Variants in CADPS observed in about 807,000 individuals in gnomAD.
CADPS encodes the protein calcium-dependent secretion activator 1.
In CADPS, 57 loss-of-function variants were observed where a neutral mutation model predicts 167.3. That is an observed-to-expected ratio of 0.34 (90% confidence interval 0.28 to 0.42). The LOEUF is 0.42. Ranked by LOEUF, CADPS falls within the 20% of genes least tolerant of loss-of-function variation. The pLI is 1.00. For synonymous variants in CADPS, 676 were observed against 635.3 expected (o/e 1.06, Z -0.96); for missense variants, 1,414 against 1,738.1 (o/e 0.81, Z 3.32).
chr3:62,723,282 G>A (rs533743054), intron 3 of CADPS, among the ~76,000 whole-genome samples: 12 of 152,246 alleles, frequency 7.9e-5, no homozygotes, highest in Non-Finnish European at 1.5e-4. Context: ...GTAGGTCTCC[G>A]ATGAACGCCA....
chr3:62,856,404 A>G (rs1404901258), intron 1 of CADPS, among the ~76,000 whole-genome samples: 4 of 152,186 alleles, frequency 2.6e-5, no homozygotes, highest in African/African-American at 4.8e-5. Flanking sequence ...TGTCATAAAG[A>G]TATCAGCTTT....
At chr3:62,851,587 A>T (rs1301651670) in intron 1 of CADPS, among the ~76,000 whole-genome samples, 1 of 141,686 alleles carries the variant, frequency 7.1e-6, no homozygotes, top group East Asian at 2.1e-4. Context: ...TTCTTTAAGA[A>T]TGTTGAATAT....
intron 26 of CADPS, among the ~76,000 whole-genome samples, chr3:62,461,814 T>C (rs2059382561): frequency 6.6e-6 from 1 of 152,182 alleles, no homozygotes; most frequent in Non-Finnish European, 1.5e-5. Flanking sequence ...ACCGGATAAT[T>C]TTCTTTCATT....
intron 1 of CADPS, among the ~76,000 whole-genome samples, chr3:62,834,708 G>T (rs1243155754): frequency 5.3e-5 from 8 of 152,132 alleles, no homozygotes; most frequent in Admixed American, 5.2e-4. Context: ...AGTAGTATAA[G>T]TATTATTATC....
chr3:62,483,869 T>A (rs901214672), intron 21 of CADPS, among the ~76,000 whole-genome samples: 1 of 152,036 alleles, frequency 6.6e-6, no homozygotes, highest in African/African-American at 2.4e-5. Context: ...ACACACTGAA[T>A]AATGATCAAG....
chr3:62,743,237 T>C (rs58258859), intron 3 of CADPS, among the ~76,000 whole-genome samples: 5,977 of 152,280 alleles, frequency 0.039, 388 homozygotes, highest in African/African-American at 0.14. Flanking sequence ...TATGATGTGA[T>C]AATTATTTAA....
At chr3:62,852,198 A>C (rs1385285783) in intron 1 of CADPS, among the ~76,000 whole-genome samples, 1 of 150,778 alleles carries the variant, frequency 6.6e-6, no homozygotes, top group East Asian at 1.9e-4. Context: ...CAAAGTTTTC[A>C]ACTTCTTTGC....
intron 6 of CADPS, among the ~76,000 whole-genome samples, chr3:62,633,570 C>T (rs2065713001): frequency 6.6e-6 from 1 of 152,052 alleles, no homozygotes; most frequent in African/African-American, 2.4e-5. Flanking sequence ...CAGGACTTGG[C>T]AATTCTCTCT....
intron 1 of CADPS, among the ~76,000 whole-genome samples, chr3:62,850,067 A>T (rs2078237806): frequency 9.3e-6 from 1 of 107,302 alleles, no homozygotes; most frequent in Non-Finnish European, 2.0e-5. Flanking sequence ...ATTTGTGTAG[A>T]GGTGTTTGTA....
intron 1 of CADPS, among the ~76,000 whole-genome samples, chr3:62,858,631 A>C (rs1996093): frequency 0.046 from 6,983 of 152,278 alleles, 180 homozygotes; most frequent in East Asian, 0.089. Context: ...GGATATGTAG[A>C]TATTATATTT....
Position 62,516,155 on chromosome 3 carries a change from C to A in CADPS, c.2485G>T (p.Val829Leu). 1 of 1,613,192 alleles carries A rather than the reference C, an allele frequency of 6.2e-7. No individual in the cohort carries two copies. Among genetic ancestry groups the A allele is most frequent in the Admixed American group, 1.7e-5 (1 of 59,962 alleles). Residue 829 changes from valine (V) to leucine (L), a missense_variant, in exon 16 of 30, where the codon GTG becomes TTG. Transcript: ENST00000383710. ...RVLMKDIVTP[V>L]PQEEVKTVIR... The stretch of plus-strand genomic sequence containing the variant: ...ACTGTTTTTACCTCCTCTTGTGGCA[C>A]TGGGGTAACAATATCTTTCATCAAA...
chr3:62,655,134 A>T (rs1018180889), intron 4 of CADPS, among the ~76,000 whole-genome samples: 1 of 152,186 alleles, frequency 6.6e-6, no homozygotes, highest in Non-Finnish European at 1.5e-5. Context: ...GAGGCTCATA[A>T]AAACTGAAGT....
rs1185447085 is a variant in CADPS, at chr3:62,874,473, C to T, written c.441+116G>A. ...GGGCCTCGTAGCCCTTTCCCCAGGG[C>T]GCGGTCTCCACCTCTCCTGCTCCTC... is the stretch of plus-strand genomic sequence containing the variant. On this transcript the variant is annotated intron_variant, in intron 1 of 29. Coordinates refer to ENST00000383710, the MANE Select transcript of CADPS (RefSeq NM_003716.4). This position sits in a 1 kb window ranked among gnomAD's most constrained non-coding sequence, Gnocchi z 7.1. 1.3e-6 allele frequency: 1 copy of T among 764,036 alleles called. No homozygotes were observed. The allele number at this position is 764,036 out of a possible 1,614,324, so 47.3% of individuals were successfully genotyped here. A position where few individuals can be genotyped will look rare whatever the true frequency, so the allele number is the denominator to read the frequency against.
At chr3:62,769,158 C>T (rs756276981) in intron 1 of CADPS, among the ~76,000 whole-genome samples, 3 of 152,022 alleles carry the variant, frequency 2.0e-5, no homozygotes, top group Non-Finnish European at 2.9e-5. Context: ...AAGCAAAATA[C>T]TCACTGCAGA....
intron 1 of CADPS, among the ~76,000 whole-genome samples, chr3:62,777,871 G>C (rs1177407054): frequency 6.6e-6 from 1 of 152,154 alleles, no homozygotes; most frequent in African/African-American, 2.4e-5. Context: ...TCAGAAGCAG[G>C]AAAGAGTAAA....
At chr3:62,609,704 A>C (rs1278306227) in intron 6 of CADPS, among the ~76,000 whole-genome samples, 1 of 152,220 alleles carries the variant, frequency 6.6e-6, no homozygotes, top group Non-Finnish European at 1.5e-5. Context: ...GCATTAACAC[A>C]TGAACACATG....
In CADPS at chr3:62,874,747, A is replaced by T; in HGVS notation, c.283T>A (p.Ser95Thr). The T allele has an allele frequency of 6.6e-7, 1 of 1,505,646 alleles. No individual in the cohort carries two copies. The highest frequency in any genetic ancestry group is 9.0e-7 in the Non-Finnish European group (1 of 1,108,940). 93.3% of individuals were successfully genotyped at this position (1,505,646 alleles called of 1,614,324 possible). ...GGGRPSSPSP[S>T]VVSEKEKEEL... Reference sequence around the variant, plus strand: ...TCCTTCTCCTTCTCGCTCACCACCGACGGGCTGGGGCTGGAGGGCCGGCCG... The same window carrying T: ...TCCTTCTCCTTCTCGCTCACCACCGTCGGGCTGGGGCTGGAGGGCCGGCCG... Residue 95 changes from serine (S) to threonine (T), a missense_variant, in exon 1 of 30, where the codon TCG (serine) becomes ACG (threonine). This residue lies in a region of CADPS where 522 missense variants were observed against 559.5 expected (regional missense o/e 0.93). Coordinates refer to ENST00000383710, the MANE Select transcript of CADPS (RefSeq NM_003716.4). The surrounding 1 kb of genome is among the most constrained non-coding windows in gnomAD (Gnocchi z 7.1).
intron 1 of CADPS, among the ~76,000 whole-genome samples, chr3:62,835,427 G>A (rs1001392832): frequency 6.6e-6 from 1 of 152,094 alleles, no homozygotes; most frequent in African/African-American, 2.4e-5. Flanking sequence ...TCTCTTTCAC[G>A]ATGTGTCTGC....
At chr3:62,689,986 A>G (rs1434657996) in intron 3 of CADPS, among the ~76,000 whole-genome samples, 1 of 152,048 alleles carries the variant, frequency 6.6e-6, no homozygotes, top group East Asian at 1.9e-4. Context: ...AAAGCTGGAA[A>G]GGAGTAATAA....
Sources: allele counts gnomAD v4.1 joint callset (sites outside exome capture counted in the v4.1 genomes callset), GRCh38; gene constraint gnomAD v4.1.1; regional missense constraint gnomAD v4.1.1; non-coding constraint Gnocchi (gnomAD v3.1); transcripts MANE v1.5; gene names NCBI Gene and HGNC (gene_info 2026-07-23, HGNC 2026-07-21).